The following MACROD2 variants were observed in gnomAD, a reference collection of about 807,000 sequenced individuals.
MACROD2 encodes the protein ADP-ribose glycohydrolase MACROD2.
In MACROD2, 36 loss-of-function variants were observed where a neutral mutation model predicts 70.4. That is an observed-to-expected ratio of 0.51 (90% CI 0.39 to 0.68). The LOEUF (loss-of-function observed/expected upper bound fraction) is 0.68, where lower values mean the gene tolerates loss of function less well. Among genes scored for constraint, MACROD2 ranks in the 30% least tolerant of loss-of-function variants. The probability of loss-of-function intolerance (pLI) is 0.00; values close to 1 mark genes in which losing one functional copy is unlikely to be tolerated. For missense variants in MACROD2, 496 were observed against 538.4 expected (o/e 0.92, Z 0.78); for synonymous variants, 172 against 178.8 (o/e 0.96, Z 0.30).
At chr20:15,886,948 G>C (rs891662148) in intron 10 of MACROD2, among the ~76,000 whole-genome samples, 15 of 152,044 alleles carry the variant, frequency 9.9e-5, no homozygotes, top group African/African-American at 3.6e-4. Context: ...AGGATATAGA[G>C]CTTAAGTCTA....
At chr20:14,470,096 C>T (rs1319947337) in intron 3 of MACROD2, among the ~76,000 whole-genome samples, 1 of 151,876 alleles carries the variant, frequency 6.6e-6, no homozygotes, top group Non-Finnish European at 1.5e-5. Flanking sequence ...CTGTTGGTGA[C>T]CTTCTGATGG....
rs1017025771 is a variant in MACROD2 at position 14,273,730 on chromosome 20, C to T, written c.271+188002C>T. On this transcript the variant is annotated intron_variant, in intron 3 of 17. Coordinates refer to ENST00000684519, the MANE Select transcript of MACROD2 (RefSeq NM_001351661.2). ...AGCTGGTTTTTTGAAAGGATCAACA[C>T]AATTGATAGACCGCTAGCAAGACTC... is the stretch of plus-strand genomic sequence containing the variant. Among the ~76,000 whole-genome samples, 944 of 152,010 alleles carry T rather than the reference C, an allele frequency of 6.2e-3. 10 individuals are homozygous for T. The highest frequency in any genetic ancestry group is 0.022 in the African/African-American group (895 of 41,460).
At chr20:14,173,745 A>G (rs138713804) in intron 3 of MACROD2, among the ~76,000 whole-genome samples, 2 of 152,118 alleles carry the variant, frequency 1.3e-5, no homozygotes, top group Admixed American at 6.5e-5. Context: ...ATTTGGGTAG[A>G]CTATGCTAGA....
intron 6 of MACROD2, among the ~76,000 whole-genome samples, chr20:15,287,553 C>G (rs918294058): frequency 6.6e-6 from 1 of 152,104 alleles, no homozygotes; most frequent in African/African-American, 2.4e-5. Flanking sequence ...ATAAAACTAC[C>G]TATTGGACAG....
chr20:15,335,559 G>A (rs760164547), intron 6 of MACROD2, among the ~76,000 whole-genome samples: 1 of 151,406 alleles, frequency 6.6e-6, no homozygotes, highest in Non-Finnish European at 1.5e-5. Flanking sequence ...TATCAAAATT[G>A]TAGTCCTACT....
intron 6 of MACROD2, among the ~76,000 whole-genome samples, chr20:15,388,233 T>C (rs1337151537): frequency 6.6e-6 from 1 of 151,648 alleles, no homozygotes; most frequent in Non-Finnish European, 1.5e-5. Context: ...TGTGTGCAAA[T>C]GGGGCATGGA....
chr20:14,330,860 G>A (rs948268475), intron 3 of MACROD2, among the ~76,000 whole-genome samples: 2 of 152,002 alleles, frequency 1.3e-5, no homozygotes. Flanking sequence ...AAACCAAGCT[G>A]CTGAAATTAT....
intron 3 of MACROD2, among the ~76,000 whole-genome samples, chr20:14,289,278 A>G (rs1318237546): frequency 5.3e-5 from 8 of 152,216 alleles, no homozygotes; most frequent in African/African-American, 1.9e-4. Context: ...TTCAAGTAAC[A>G]GATCCTTCCT....
chr20:15,256,882 G>C (rs1321803325), intron 6 of MACROD2, among the ~76,000 whole-genome samples: 2 of 151,640 alleles, frequency 1.3e-5, no homozygotes, highest in South Asian at 2.1e-4. Flanking sequence ...TATATATTCA[G>C]TACTATAAAT....
At chr20:14,202,422 A>G (rs938828100) in intron 3 of MACROD2, among the ~76,000 whole-genome samples, 2 of 152,242 alleles carry the variant, frequency 1.3e-5, no homozygotes, top group Non-Finnish European at 2.9e-5. Context: ...TTTATAGCCT[A>G]CTTTCCTTCT....
chr20:14,383,721 T>A (rs2083445413), intron 3 of MACROD2, among the ~76,000 whole-genome samples: 1 of 152,190 alleles, frequency 6.6e-6, no homozygotes, highest in Non-Finnish European at 1.5e-5. Flanking sequence ...GTGTTGACTT[T>A]GTCTTTTCTA....
intron 3 of MACROD2, among the ~76,000 whole-genome samples, chr20:14,341,829 A>G (rs1338364295): frequency 6.6e-6 from 1 of 152,188 alleles, no homozygotes; most frequent in African/African-American, 2.4e-5. Flanking sequence ...GTAAAGCTTG[A>G]TACATGGCTT....
chr20:14,684,798 T>C (rs749676452), intron 4 of MACROD2, 45 bp from the exon 5 acceptor site: 9 of 1,497,814 alleles, frequency 6.0e-6, no homozygotes, highest in Middle Eastern at 1.7e-4. Context: ...TTTATATTTA[T>C]TTCCAAATGC....
rs974618144 is a variant in MACROD2, at chr20:15,370,921, G to T, written c.541-60484G>T. 3.9e-5 allele frequency among the ~76,000 whole-genome samples: 6 copies of T among 152,010 alleles called. No individual in the cohort carries two copies. In the East Asian group the frequency reaches 1.2e-3, roughly 29 times the overall value. ...GTCTCTGAGCTTCCTGGGGGCAAAA[G>T]AAAATGAAACCTGTATGTCCATATT... On this transcript the variant is annotated intron_variant, in intron 6 of 17. Transcript: ENST00000684519.
chr20:14,110,526 A>G (rs1373971100), intron 3 of MACROD2, among the ~76,000 whole-genome samples: 3 of 152,074 alleles, frequency 2.0e-5, no homozygotes, highest in Non-Finnish European at 4.4e-5. Context: ...AAACAAATTC[A>G]GTAAAGTTGC....
intron 8 of MACROD2, among the ~76,000 whole-genome samples, chr20:15,779,289 G>A (rs1210062559): frequency 6.6e-6 from 1 of 152,092 alleles, no homozygotes; most frequent in African/African-American, 2.4e-5. Flanking sequence ...AGCTACATTA[G>A]AGATGCTCTT....
chr20:15,768,754 T>C (rs995344029), intron 8 of MACROD2, among the ~76,000 whole-genome samples: 1 of 152,250 alleles, frequency 6.6e-6, no homozygotes, highest in Non-Finnish European at 1.5e-5. Context: ...AAAAATATTT[T>C]ATTTCTTTAT....
chr20:15,454,423 AC>A (rs1188683883), intron 7 of MACROD2, among the ~76,000 whole-genome samples: 4 of 69,394 alleles, frequency 5.8e-5, no homozygotes, highest in Non-Finnish European at 1.7e-4. Context: ...ACACACACAC[AC>A]ACACACACAC....
chr20:15,962,225 G>A (rs557667606), intron 12 of MACROD2, among the ~76,000 whole-genome samples: 6 of 152,264 alleles, frequency 3.9e-5, no homozygotes, highest in South Asian at 2.1e-4. Flanking sequence ...TCAGGTAGGC[G>A]GATGATGAAG....
Sources: allele counts gnomAD v4.1 joint callset (sites outside exome capture counted in the v4.1 genomes callset), GRCh38; gene constraint gnomAD v4.1.1; transcripts MANE v1.5; gene names NCBI Gene and HGNC (gene_info 2026-07-23, HGNC 2026-07-21).